Variants in MTMR2 observed in about 807,000 individuals in gnomAD.
MTMR2 encodes the protein myotubularin related protein 2, also known as phosphatidylinositol-3,5-bisphosphate 3-phosphatase MTMR2.
Under a neutral mutation model 86.9 loss-of-function variants are expected in MTMR2, and 55 were observed. The ratio of observed to expected loss-of-function variants is 0.63; its 90% CI spans 0.51 to 0.79. The LOEUF (loss-of-function observed/expected upper bound fraction) is 0.79. Ranked by LOEUF, MTMR2 falls within the 30% of genes least tolerant of loss-of-function variation. The pLI, the probability that MTMR2 is intolerant of heterozygous loss-of-function variation, is 0.00. For missense variants in MTMR2, 659 were observed against 772.3 expected (o/e 0.85, Z 1.74); for synonymous variants, 241 against 266.8 (o/e 0.90, Z 0.94).
intron 1 of MTMR2, among the ~76,000 whole-genome samples, chr11:95,922,716 ACT>A (rs1233352270): frequency 1.3e-5 from 2 of 152,206 alleles, no homozygotes; most frequent in Non-Finnish European, 2.9e-5. Context: ...CTTATTAAAG[ACT>A]CTGAAAAACG....
At chr11:95,868,570 G>T (rs150237404) in intron 2 of MTMR2, among the ~76,000 whole-genome samples, 1 of 151,326 alleles carries the variant, frequency 6.6e-6, no homozygotes, top group African/African-American at 2.4e-5. Flanking sequence ...ATCAAGAAAA[G>T]AATTGTATTT....
At chr11:95,871,694 C>T (rs1864893162) in intron 2 of MTMR2, among the ~76,000 whole-genome samples, 1 of 152,160 alleles carries the variant, frequency 6.6e-6, no homozygotes, top group Non-Finnish European at 1.5e-5. Flanking sequence ...TGCCTGTTCA[C>T]TCTGATGGTA....
At chr11:95,860,165 A>T (rs188409594) in intron 5 of MTMR2, among the ~76,000 whole-genome samples, 1 of 152,304 alleles carries the variant, frequency 6.6e-6, no homozygotes, top group Non-Finnish European at 1.5e-5. Flanking sequence ...TGCTTGACAC[A>T]TGGTTGCCAG....
chr11:95,848,049 T>C, intron 9 of MTMR2, 150 bp from the exon 10 acceptor site: 1 of 758,130 alleles, frequency 1.3e-6, no homozygotes. Flanking sequence ...GGACAACTTA[T>C]TTAGCACAAC....
intron 1 of MTMR2, among the ~76,000 whole-genome samples, chr11:95,916,316 T>C (rs1866702442): frequency 2.0e-5 from 3 of 152,160 alleles, no homozygotes. Flanking sequence ...CTTGTTTACC[T>C]ACGTATGGCC....
chr11:95,903,964 A>C (rs1391528423), intron 1 of MTMR2, among the ~76,000 whole-genome samples: 2 of 152,008 alleles, frequency 1.3e-5, no homozygotes, highest in Non-Finnish European at 2.9e-5. Context: ...AATACAAAAA[A>C]ATTAGCCAGG....
chr11:95,920,622 T>C (rs1866885326), intron 1 of MTMR2, among the ~76,000 whole-genome samples: 1 of 152,268 alleles, frequency 6.6e-6, no homozygotes, highest in Middle Eastern at 3.4e-3. Flanking sequence ...AAGGCATAAC[T>C]GGAGACAAGA....
At chr11:95,836,012 A>T in intron 14 of MTMR2, 136 bp downstream of exon 14, 1 of 890,048 alleles carries the variant, frequency 1.1e-6, no homozygotes, top group Non-Finnish European at 1.9e-6. Flanking sequence ...GTATTTTTCT[A>T]CTATACGATT....
intron 1 of MTMR2, among the ~76,000 whole-genome samples, chr11:95,918,889 T>C (rs1453248526): frequency 1.3e-5 from 2 of 152,208 alleles, no homozygotes; most frequent in Non-Finnish European, 2.9e-5. Flanking sequence ...CAGGCCAGAA[T>C]ACAGTGGCAC....
In MTMR2 at chr11:95,924,011, G is replaced by A. The variant is rs912925880; in HGVS notation, c.-57C>T. The A allele has an allele frequency of 6.5e-7, 1 of 1,545,308 alleles. No individual in the cohort carries two copies. The highest frequency in any genetic ancestry group is 1.4e-5 in the African/African-American group (1 of 73,074). Reference sequence around the variant, plus strand: ...AAGCAGTCTTCGCGGCTACAGGGCGGGAGAAGCGGAGGGCGGAGTGCTACG... The same window carrying A: ...AAGCAGTCTTCGCGGCTACAGGGCGAGAGAAGCGGAGGGCGGAGTGCTACG... On this transcript the variant is annotated 5_prime_UTR_variant, in exon 1 of 15. Coordinates refer to ENST00000346299, the MANE Select transcript of MTMR2 (RefSeq NM_016156.6).
chr11:95,893,180 T>C (rs1865769332), intron 1 of MTMR2, among the ~76,000 whole-genome samples: 1 of 152,170 alleles, frequency 6.6e-6, no homozygotes, highest in African/African-American at 2.4e-5. Flanking sequence ...GGGAATTTTA[T>C]TATCCATAAA....
chr11:95,899,868 T>G (rs1412469208), intron 1 of MTMR2, among the ~76,000 whole-genome samples: 1 of 152,124 alleles, frequency 6.6e-6, no homozygotes, highest in Non-Finnish European at 1.5e-5. Context: ...CAAGCTATGT[T>G]CCGTGAATAA....
chr11:95,899,622 G>C (rs1865998776), intron 1 of MTMR2, among the ~76,000 whole-genome samples: 1 of 131,990 alleles, frequency 7.6e-6, no homozygotes, highest in African/African-American at 3.2e-5. Flanking sequence ...TGTGATGAAT[G>C]CTATAAGAAT....
At chr11:95,871,080 G>C (rs1864861663) in intron 2 of MTMR2, among the ~76,000 whole-genome samples, 1 of 152,046 alleles carries the variant, frequency 6.6e-6, no homozygotes, top group Non-Finnish European at 1.5e-5. Context: ...CATTTTTTAT[G>C]GCTGCATAGT....
chr11:95,898,297 G>C (rs1018426438), intron 1 of MTMR2, among the ~76,000 whole-genome samples: 3 of 148,356 alleles, frequency 2.0e-5, no homozygotes, highest in Non-Finnish European at 4.4e-5. Context: ...TCTTAGTTCT[G>C]ATTCTATACA....
intron 1 of MTMR2, among the ~76,000 whole-genome samples, chr11:95,894,884 C>A (rs916632056): frequency 3.9e-5 from 6 of 152,040 alleles, no homozygotes; most frequent in Non-Finnish European, 8.8e-5. Context: ...GAGTAAAAAT[C>A]GAATGCTCCT....
intron 12 of MTMR2, among the ~76,000 whole-genome samples, 177 bp from the exon 13 acceptor site, chr11:95,838,384 A>T (rs1001803015): frequency 1.3e-5 from 2 of 151,974 alleles, no homozygotes; most frequent in African/African-American, 4.8e-5. Flanking sequence ...TCATGTTATC[A>T]CTTTTCTGAT....
intron 1 of MTMR2, among the ~76,000 whole-genome samples, 172 bp from the exon 2 acceptor site, chr11:95,888,433 C>A (rs1865591412): frequency 6.6e-6 from 1 of 152,186 alleles, no homozygotes; most frequent in Non-Finnish European, 1.5e-5. Flanking sequence ...ACTATTCCTG[C>A]TGGGTCAAGT....
intron 7 of MTMR2, among the ~76,000 whole-genome samples, chr11:95,854,204 G>C (rs1211908692): frequency 6.6e-6 from 1 of 152,066 alleles, no homozygotes; most frequent in Non-Finnish European, 1.5e-5. Context: ...TCTCTTTGTA[G>C]ACTACTAAAA....
Sources: gnomAD v4.1 joint callset for allele counts (sites outside exome capture counted in the v4.1 genomes callset) on GRCh38, gnomAD v4.1.1 for gene constraint, MANE v1.5 for transcripts, NCBI Gene and HGNC (gene_info 2026-07-23, HGNC 2026-07-21) for gene names.